Variants in PAM observed in about 807,000 individuals in gnomAD.
PAM encodes the protein peptidylglycine alpha-amidating monooxygenase.
PAM carries 72 observed loss-of-function variants against 122.1 expected under a neutral mutation model. The observed-to-expected ratio is 0.59, with a 90% CI of 0.49 to 0.72. The LOEUF (loss-of-function observed/expected upper bound fraction) is 0.72. PAM is among the 30% of genes least tolerant of loss of function. PAM has a pLI of 0.00. For missense variants in PAM, 1,106 were observed against 1,183.7 expected, an observed-to-expected ratio of 0.93 and a Z score of 0.96; for synonymous variants, 389 against 404.4, an observed-to-expected ratio of 0.96 and a Z score of 0.46.
intron 5 of PAM, among the ~76,000 whole-genome samples, chr5:102,917,583 T>C (rs1745870840): frequency 6.6e-6 from 1 of 152,196 alleles, no homozygotes; most frequent in African/African-American, 2.4e-5. Context: ...GATTTCCTCT[T>C]TTCTGTTTGT....
chr5:102,771,291 G>A (rs995277725), intron 1 of PAM, among the ~76,000 whole-genome samples: 2 of 151,960 alleles, frequency 1.3e-5, no homozygotes, highest in Non-Finnish European at 2.9e-5. Context: ...AACCTCTTTG[G>A]TTTCCATTGC....
At chr5:102,863,243 C>T (rs1173275994) in intron 1 of PAM, among the ~76,000 whole-genome samples, 4 of 152,112 alleles carry the variant, frequency 2.6e-5, no homozygotes, top group Non-Finnish European at 4.4e-5. Context: ...GTCTAGGAGG[C>T]AGAAATTTTA....
Position 102,868,649 on chromosome 5 carries a change from T to A in PAM, c.210+1256T>A, listed in dbSNP as rs146369993. ...CTCTTTTCTCACTTTTAAAACTGGG[T>A]TTCCCCCCTGTATTTGCTTGAACTG... is the stretch of plus-strand genomic sequence containing the variant. On this transcript the variant is annotated intron_variant, in intron 3 of 25. Coordinates refer to ENST00000438793, the MANE Select transcript of PAM (RefSeq NM_001177306.2). 9.2e-5 allele frequency among the ~76,000 whole-genome samples: 14 copies of A among 152,284 alleles called. No homozygotes were observed. In the East Asian group the frequency reaches 2.7e-3, roughly 29 times the overall value.
intron 3 of PAM, among the ~76,000 whole-genome samples, chr5:102,876,515 GTC>G (rs1789267477): frequency 6.6e-6 from 1 of 152,046 alleles, no homozygotes; most frequent in South Asian, 2.1e-4. Context: ...CCACTTTTGT[GTC>G]TCTCATCCCT....
At chr5:103,019,557 A>G (rs17154953) in intron 22 of PAM, among the ~76,000 whole-genome samples, 53,044 of 151,898 alleles carry the variant, frequency 0.35, 9,785 homozygotes, top group African/African-American at 0.46. Flanking sequence ...ACAAGAAATA[A>G]CTCATTGTAA....
chr5:102,833,065 C>T (rs1364790840), intron 1 of PAM, among the ~76,000 whole-genome samples: 2 of 151,966 alleles, frequency 1.3e-5, no homozygotes. Flanking sequence ...GACATTTAGT[C>T]AATACCTGAA....
chr5:102,779,880 CATATACATATATAT>C (rs1195069352), intron 1 of PAM, among the ~76,000 whole-genome samples: 55 of 69,312 alleles, frequency 7.9e-4, no homozygotes, highest in Non-Finnish European at 1.3e-3. Context: ...AATAAACTCC[CATATACATATATAT>C]ATATATATAT....
At chr5:102,778,877 G>A (rs1007549380) in intron 1 of PAM, among the ~76,000 whole-genome samples, 9 of 151,988 alleles carry the variant, frequency 5.9e-5, no homozygotes, top group African/African-American at 2.2e-4. Flanking sequence ...GTTTTTGGAG[G>A]GAATACTTTG....
chr5:102,910,636 A>G (rs1801119329), intron 4 of PAM, among the ~76,000 whole-genome samples: 1 of 151,760 alleles, frequency 6.6e-6, no homozygotes, highest in South Asian at 2.1e-4. Context: ...TACCGGATAT[A>G]ATATTCCTTT....
intron 1 of PAM, among the ~76,000 whole-genome samples, chr5:102,800,022 C>A (rs576964822): frequency 7.2e-5 from 11 of 152,210 alleles, no homozygotes; most frequent in Admixed American, 1.3e-4. Context: ...CCACAAGCTC[C>A]ATTCATGCAT....
chr5:102,796,013 T>C (rs1763289286), intron 1 of PAM, among the ~76,000 whole-genome samples: 2 of 152,216 alleles, frequency 1.3e-5, no homozygotes, highest in South Asian at 4.1e-4. Context: ...TAAAGGCTTC[T>C]AAATGATCCA....
intron 14 of PAM, among the ~76,000 whole-genome samples, chr5:102,971,397 G>T (rs929865227): frequency 1.3e-4 from 20 of 152,142 alleles, no homozygotes; most frequent in Non-Finnish European, 1.8e-4. Flanking sequence ...GCACAAAGTA[G>T]AATTATTTCT....
chr5:102,774,237 G>C (rs547182888), intron 1 of PAM, among the ~76,000 whole-genome samples: 2 of 152,076 alleles, frequency 1.3e-5, no homozygotes, highest in Non-Finnish European at 2.9e-5. Flanking sequence ...CCAGTAACTG[G>C]ATTGCTGGAT....
intron 1 of PAM, among the ~76,000 whole-genome samples, chr5:102,770,304 A>T (rs1185930437): frequency 1.3e-5 from 2 of 152,128 alleles, no homozygotes; most frequent in African/African-American, 4.8e-5. Flanking sequence ...AGGTCATATC[A>T]TCTGCAAACA....
intron 21 of PAM, among the ~76,000 whole-genome samples, chr5:103,012,315 G>A (rs772920943): frequency 5.9e-5 from 9 of 152,094 alleles, no homozygotes; most frequent in Non-Finnish European, 1.2e-4. Flanking sequence ...TGCTTGTGGG[G>A]TATTACTCAA....
chr5:102,840,015 T>C (rs1160559039), intron 1 of PAM, among the ~76,000 whole-genome samples: 1 of 152,116 alleles, frequency 6.6e-6, no homozygotes, highest in Non-Finnish European at 1.5e-5. Context: ...ATACTAGAGG[T>C]TCTAACCAGA....
chr5:103,013,679 C>A (rs1479417785), intron 21 of PAM, among the ~76,000 whole-genome samples: 1 of 152,066 alleles, frequency 6.6e-6, no homozygotes, highest in African/African-American at 2.4e-5. Context: ...TGGTGTTTAT[C>A]AAATTTTATT....
At position 102,812,064 on chromosome 5, in the gene PAM, A is replaced by G. The variant is rs76329158; in HGVS notation, c.-373-53759A>G. Among the ~76,000 whole-genome samples, 832 of 152,304 alleles carry G rather than the reference A, an allele frequency of 5.5e-3. 10 individuals carry two copies. Among genetic ancestry groups the G allele is most frequent in the African/African-American group, 0.019 (782 of 41,570 alleles). On this transcript the variant is annotated intron_variant, in intron 1 of 25. Coordinates refer to ENST00000438793, the MANE Select transcript of PAM (RefSeq NM_001177306.2). ...ACAGAAGGGTAATACCTGGGCCACT[A>G]GAGAGCCAAATGTGAAATCTAGTAA...
At chr5:102,866,740 A>G (rs1261129790) in intron 2 of PAM, 1 of 154,178 alleles carries the variant, frequency 6.5e-6, no homozygotes, top group Non-Finnish European at 1.4e-5. Flanking sequence ...TGTAATTCAC[A>G]TCGCAGTCTT....
Sources: gnomAD v4.1 joint callset for allele counts (sites outside exome capture counted in the v4.1 genomes callset) on GRCh38, gnomAD v4.1.1 for gene constraint, MANE v1.5 for transcripts, NCBI Gene and HGNC (gene_info 2026-07-23, HGNC 2026-07-21) for gene names.